The following CERS6 variants were observed in gnomAD, a reference collection of about 807,000 sequenced individuals.
CERS6 encodes the protein LAG1 homolog, ceramide synthase 6.
Under a neutral mutation model 56.8 loss-of-function variants are expected in CERS6, and 26 were observed. That is an observed-to-expected ratio of 0.46 (90% confidence interval 0.34 to 0.63). The LOEUF (loss-of-function observed/expected upper bound fraction) is 0.63, where lower values mean the gene tolerates loss of function less well. Among genes scored for constraint, CERS6 ranks in the 30% least tolerant of loss-of-function variants. The pLI, the probability that CERS6 is intolerant of heterozygous loss-of-function variation, is 0.01. For synonymous variants in CERS6, 164 were observed against 173.3 expected (o/e 0.95, Z 0.42); for missense variants, 415 against 467.5 (o/e 0.89, Z 1.04).
At chr2:168,555,245 C>T (rs529741286) in intron 2 of CERS6, among the ~76,000 whole-genome samples, 238 of 151,964 alleles carry the variant, frequency 1.6e-3, no homozygotes, top group Non-Finnish European at 2.9e-3. Context: ...GAAAACAAAA[C>T]CTCTTCCTCC....
chr2:168,502,609 A>G (rs1485051808), intron 1 of CERS6, among the ~76,000 whole-genome samples: 2 of 152,176 alleles, frequency 1.3e-5, no homozygotes, highest in African/African-American at 4.8e-5. Flanking sequence ...CTTTGTTTCT[A>G]ATAGACTGTC....
At chr2:168,713,514 A>G (rs1190071017) in intron 6 of CERS6, among the ~76,000 whole-genome samples, 1 of 152,242 alleles carries the variant, frequency 6.6e-6, no homozygotes, top group Non-Finnish European at 1.5e-5. Context: ...TAAGCAACAG[A>G]AATTCCATAT....
At position 168,768,291 on chromosome 2, in the gene CERS6, G is replaced by A. The variant is rs559042883; in HGVS notation, c.1003-1219G>A. Among the ~76,000 whole-genome samples the A allele has an allele frequency of 9.1e-4, 137 of 151,174 alleles. 2 individuals are homozygous for A. The South Asian group carries it at 0.025, about 27-fold the overall frequency. On this transcript the variant is annotated intron_variant, in intron 9 of 9. Coordinates refer to ENST00000305747, the MANE Select transcript of CERS6 (RefSeq NM_203463.3). Reference sequence around the variant, plus strand: ...ATTGCTCTGGCTGGAGTGCAATGGCGCGATCTTGGCTCACCGCAACCTCCA... The same window carrying A: ...ATTGCTCTGGCTGGAGTGCAATGGCACGATCTTGGCTCACCGCAACCTCCA...
In CERS6 at chr2:168,770,118, T is replaced by C. The variant is rs1025134351; in HGVS notation, c.*456T>C. On this transcript the variant is annotated 3_prime_UTR_variant, in exon 10 of 10. Transcript: ENST00000305747. Reference sequence around the variant, plus strand: ...TGCAAGAGTCTCGTTCAGCTCTAAATAGGTTTGCTTTCTTTTAGTTACAGT... The same window carrying C: ...TGCAAGAGTCTCGTTCAGCTCTAAACAGGTTTGCTTTCTTTTAGTTACAGT... The C allele has an allele frequency of 1.3e-4, 21 of 165,988 alleles. No individual in the cohort carries two copies. The highest frequency in any genetic ancestry group is 7.7e-5 in the Non-Finnish European group (6 of 77,978). The allele number at this position is 165,988 out of a possible 1,614,324, so 10.3% of individuals were successfully genotyped here.
intron 1 of CERS6, among the ~76,000 whole-genome samples, chr2:168,489,118 T>C (rs1006061044): frequency 1.3e-5 from 2 of 152,170 alleles, no homozygotes; most frequent in African/African-American, 2.4e-5. Context: ...TTTTCCTCCA[T>C]CTAAAAATAC....
At chr2:168,748,195 G>A (rs185343386) in intron 8 of CERS6, among the ~76,000 whole-genome samples, 1 of 152,122 alleles carries the variant, frequency 6.6e-6, no homozygotes, top group South Asian at 2.1e-4. Context: ...CCAATTTAAG[G>A]TATGGCCTTG....
rs370477008 is a variant in CERS6 at position 168,505,382 on chromosome 2, C to CAAA, written c.171-42197_171-42195dup. On this transcript the variant is annotated intron_variant, in intron 1 of 9. Coordinates refer to ENST00000305747, the MANE Select transcript of CERS6 (RefSeq NM_203463.3). ...GGGCAACAGAGTGAGACCCTGTTTC[C>CAAA]AAAAAAAAAAAAAAAAAAAGAAAAA... Among the ~76,000 whole-genome samples the CAAA allele has an allele frequency of 2.2e-3, 215 of 96,204 alleles. 2 individuals carry two copies. Among genetic ancestry groups the CAAA allele is most frequent in the Admixed American group, 4.9e-3 (38 of 7,692 alleles). 63.1% of individuals were successfully genotyped at this position (96,204 alleles called of 152,430 possible). A position where few individuals can be genotyped will look rare whatever the true frequency, so the allele number is the denominator to read the frequency against.
chr2:168,655,496 T>C (rs1467792628), intron 4 of CERS6, among the ~76,000 whole-genome samples: 1 of 152,150 alleles, frequency 6.6e-6, no homozygotes, highest in Non-Finnish European at 1.5e-5. Context: ...TGTCAGTGGA[T>C]AGATAAAGAA....
At chr2:168,760,493 C>T (rs1684542747) in intron 8 of CERS6, among the ~76,000 whole-genome samples, 1 of 152,144 alleles carries the variant, frequency 6.6e-6, no homozygotes, top group South Asian at 2.1e-4. Flanking sequence ...CTCACAGACC[C>T]AGGATAAATA....
chr2:168,608,571 T>G (rs1422409745), intron 3 of CERS6, among the ~76,000 whole-genome samples: 2 of 152,240 alleles, frequency 1.3e-5, no homozygotes, highest in East Asian at 1.9e-4. Flanking sequence ...ATTATAGCCA[T>G]TCTAGTGGGG....
At chr2:168,465,874 C>A (rs1693862483) in intron 1 of CERS6, among the ~76,000 whole-genome samples, 1 of 152,028 alleles carries the variant, frequency 6.6e-6, no homozygotes, top group East Asian at 1.9e-4. Flanking sequence ...GTGTATTTTA[C>A]CACAATTAAA....
intron 4 of CERS6, among the ~76,000 whole-genome samples, chr2:168,636,929 T>C (rs1684873344): frequency 6.6e-6 from 1 of 152,212 alleles, no homozygotes; most frequent in African/African-American, 2.4e-5. Context: ...ATTCTGCCAT[T>C]AATCAGCTTT....
chr2:168,660,144 A>G (rs1314046241), intron 4 of CERS6, among the ~76,000 whole-genome samples: 1 of 152,224 alleles, frequency 6.6e-6, no homozygotes, highest in Non-Finnish European at 1.5e-5. Flanking sequence ...ACAACGTTCA[A>G]CAGATATCTA....
intron 8 of CERS6, among the ~76,000 whole-genome samples, chr2:168,751,049 A>G (rs1226403692): frequency 1.3e-5 from 2 of 152,184 alleles, no homozygotes; most frequent in Non-Finnish European, 2.9e-5. Context: ...TAGATGCAAA[A>G]CATAGCTGTG....
At chr2:168,747,310 C>G (rs1438744466) in intron 8 of CERS6, among the ~76,000 whole-genome samples, 1 of 147,566 alleles carries the variant, frequency 6.8e-6, no homozygotes, top group Non-Finnish European at 1.5e-5. Context: ...TTTTTTTAAT[C>G]TTTTGTCACT....
chr2:168,617,659 A>G (rs1340513783), intron 3 of CERS6, among the ~76,000 whole-genome samples: 2 of 152,208 alleles, frequency 1.3e-5, no homozygotes, highest in African/African-American at 2.4e-5. Flanking sequence ...CTGGAAAGAT[A>G]CAACCCTCCT....
rs1685148546 is a variant in CERS6, at chr2:168,645,111, AAAAAAATATAT to A, written c.465+14071_465+14081del. On this transcript the variant is annotated intron_variant, in intron 4 of 9. Coordinates refer to ENST00000305747, the MANE Select transcript of CERS6 (RefSeq NM_203463.3). ...ATCTTAAAAAAAAAAAAAAAAAAAA[AAAAAAATATAT>A]ATATATATATATATATATATAGAGA... Among the ~76,000 whole-genome samples, 4 of 59,424 alleles carry A rather than the reference AAAAAAATATAT, an allele frequency of 6.7e-5. No individual in the cohort carries two copies. The Admixed American group carries it at 6.8e-4, about 10-fold the overall frequency. 39.0% of individuals were successfully genotyped at this position (59,424 alleles called of 152,430 possible).
rs925739263 is a variant in CERS6, at chr2:168,766,235, C to T, written c.1002+487C>T. ...AAAGCTTCCTAAGCCTCAGCCCCAACCCTGTGTGTAGAGCAGAGACTTTTC... is the reference window on the plus strand; with the variant it reads ...AAAGCTTCCTAAGCCTCAGCCCCAATCCTGTGTGTAGAGCAGAGACTTTTC... On this transcript the variant is annotated intron_variant, in intron 9 of 9. Transcript: ENST00000305747. 7 of 1,260,434 alleles carry T rather than the reference C, an allele frequency of 5.6e-6. No homozygotes were observed. In the Admixed American group the frequency reaches 1.2e-4, roughly 21 times the overall value. The allele number at this position is 1,260,434 out of a possible 1,614,324, so 78.1% of individuals were successfully genotyped here. A position where few individuals can be genotyped will look rare whatever the true frequency, so the allele number is the denominator to read the frequency against.
intron 3 of CERS6, among the ~76,000 whole-genome samples, chr2:168,574,623 A>G (rs961901477): frequency 1.3e-5 from 2 of 152,232 alleles, no homozygotes; most frequent in Non-Finnish European, 2.9e-5. Context: ...AAATAAAATG[A>G]TTCGTGTAAA....
Sources: allele counts gnomAD v4.1 joint callset (sites outside exome capture counted in the v4.1 genomes callset), GRCh38; gene constraint gnomAD v4.1.1; transcripts MANE v1.5; gene names NCBI Gene and HGNC (gene_info 2026-07-23, HGNC 2026-07-21).